The following MMS22L variants were observed in gnomAD, a reference collection of about 807,000 sequenced individuals.
MMS22L encodes protein MMS22-like.
Under a neutral mutation model 159.1 loss-of-function variants are expected in MMS22L, and 74 were observed. The observed-to-expected ratio is 0.47, with a 90% confidence interval of 0.39 to 0.56. The LOEUF is 0.56. Ranked by LOEUF, MMS22L falls within the 20% of genes least tolerant of loss-of-function variation. The pLI is 0.00. For synonymous variants in MMS22L, 517 were observed against 506.9 expected, an observed-to-expected ratio of 1.02 and a Z score of -0.27; for missense variants, 1,351 against 1,422.1, an observed-to-expected ratio of 0.95 and a Z score of 0.80.
At chr6:97,231,861 T>C (rs1025972188) in intron 12 of MMS22L, among the ~76,000 whole-genome samples, 1 of 152,134 alleles carries the variant, frequency 6.6e-6, no homozygotes, top group African/African-American at 2.4e-5. Context: ...CCCAAATGTG[T>C]TTTTAACAGT....
intron 3 of MMS22L, 57 bp from the exon 4 acceptor site, chr6:97,278,955 A>G: frequency 2.8e-6 from 4 of 1,432,122 alleles, no homozygotes; most frequent in Non-Finnish European, 3.9e-6. Context: ...AGCATGTAAC[A>G]ATTACGTGGA....
At chr6:97,253,717 T>G (rs1348218124) in intron 10 of MMS22L, 1 of 152,106 alleles carries the variant, frequency 6.6e-6, no homozygotes, top group Non-Finnish European at 1.5e-5. Flanking sequence ...GCCTTGGCCT[T>G]CCAAAGTGCT....
intron 6 of MMS22L, chr6:97,270,883 TA>T (rs1399335540): frequency 6.6e-6 from 1 of 151,990 alleles, no homozygotes; most frequent in Non-Finnish European, 1.5e-5. Flanking sequence ...TGTTTAAAAA[TA>T]ACATGAATTA....
At chr6:97,255,573 C>A (rs180915864) in intron 9 of MMS22L, among the ~76,000 whole-genome samples, 1 of 152,104 alleles carries the variant, frequency 6.6e-6, no homozygotes, top group East Asian at 1.9e-4. Flanking sequence ...ATTATTAGTT[C>A]ATTTGCAATC....
At chr6:97,214,920 T>A (rs1433164196) in intron 14 of MMS22L, among the ~76,000 whole-genome samples, 1 of 150,936 alleles carries the variant, frequency 6.6e-6, no homozygotes, top group Non-Finnish European at 1.5e-5. Context: ...AATTAAGAGA[T>A]CAACCAACCC....
rs528113835 is a variant in MMS22L at position 97,256,911 on chromosome 6, C to T, written c.943-2178G>A. ...GCAGTGAGCTGTGACCACACTACTG[C>T]ACTCCAGACTGGGTGACACAGTGAG... On this transcript the variant is annotated intron_variant, in intron 9 of 24. Coordinates refer to ENST00000683635, the MANE Select transcript of MMS22L (RefSeq NM_001350599.2). Among the ~76,000 whole-genome samples the T allele has an allele frequency of 2.0e-5, 3 of 152,278 alleles. No homozygotes were observed. In the South Asian group the frequency reaches 6.2e-4, roughly 32 times the overall value.
At chr6:97,263,662 TA>T (rs1010764622) in intron 8 of MMS22L, 422 of 362,552 alleles carry the variant, frequency 1.2e-3, no homozygotes, top group Non-Finnish European at 1.4e-3. Context: ...GATTTCAACT[TA>T]AAAAAAAATT....
chr6:97,213,406 CA>C (rs914388869), intron 14 of MMS22L, among the ~76,000 whole-genome samples: 3 of 149,676 alleles, frequency 2.0e-5, no homozygotes, highest in Non-Finnish European at 3.0e-5. Flanking sequence ...AACTCCACCT[CA>C]AAAAAAAAGA....
intron 22 of MMS22L, among the ~76,000 whole-genome samples, chr6:97,157,418 C>T (rs973407820): frequency 1.3e-5 from 2 of 152,146 alleles, no homozygotes; most frequent in African/African-American, 4.8e-5. Context: ...GGAATGTTTC[C>T]AGTTTTTGTC....
chr6:97,208,208 T>G (rs577958896), intron 14 of MMS22L, among the ~76,000 whole-genome samples: 1 of 152,254 alleles, frequency 6.6e-6, no homozygotes, highest in Admixed American at 6.5e-5. Context: ...CCTACCTTTA[T>G]GTATTTTTAA....
At chr6:97,268,102 C>A in intron 7 of MMS22L, 100 bp from the exon 8 acceptor site, 1 of 847,948 alleles carries the variant, frequency 1.2e-6, no homozygotes, top group Non-Finnish European at 1.6e-6. Context: ...CTAAAACATA[C>A]AGTTTTTAAT....
intron 15 of MMS22L, among the ~76,000 whole-genome samples, chr6:97,183,927 C>T (rs1288354519): frequency 6.6e-6 from 1 of 152,128 alleles, no homozygotes; most frequent in African/African-American, 2.4e-5. Flanking sequence ...TCCTCTTTGA[C>T]CCCTCTAGCT....
At chr6:97,247,719 GA>G (rs1028654099) in intron 10 of MMS22L, among the ~76,000 whole-genome samples, 2 of 150,642 alleles carry the variant, frequency 1.3e-5, no homozygotes, top group Admixed American at 1.3e-4. Flanking sequence ...CTTCGTCTCA[GA>G]AAAAAAAAAG....
chr6:97,275,472 A>C (rs187438200), intron 4 of MMS22L, among the ~76,000 whole-genome samples: 123 of 152,310 alleles, frequency 8.1e-4, no homozygotes, highest in Non-Finnish European at 1.5e-3. Flanking sequence ...GGTTGCAGTA[A>C]GCCGAGATGG....
At chr6:97,208,524 C>G (rs1582620073) in intron 14 of MMS22L, among the ~76,000 whole-genome samples, 2 of 151,960 alleles carry the variant, frequency 1.3e-5, no homozygotes, top group Non-Finnish European at 2.9e-5. Context: ...ACAAGAAGGA[C>G]AACACTTGCC....
At chr6:97,275,078 C>G (rs773028901) in intron 4 of MMS22L, among the ~76,000 whole-genome samples, 5 of 152,198 alleles carry the variant, frequency 3.3e-5, no homozygotes, top group Non-Finnish European at 7.3e-5. Context: ...AATTCAACAT[C>G]TAGTTTAAGG....
At chr6:97,176,697 C>A (rs1562420847) in intron 18 of MMS22L, among the ~76,000 whole-genome samples, 1 of 152,140 alleles carries the variant, frequency 6.6e-6, no homozygotes, top group South Asian at 2.1e-4. Flanking sequence ...ACTTCCCTGG[C>A]AGGTAGTGTT....
At chr6:97,214,371 G>A (rs150551315) in intron 14 of MMS22L, among the ~76,000 whole-genome samples, 1 of 152,172 alleles carries the variant, frequency 6.6e-6, no homozygotes, top group Non-Finnish European at 1.5e-5. Flanking sequence ...TAATAATGTA[G>A]ATGTCATCAA....
chr6:97,276,619 A>G (rs1416648984), intron 4 of MMS22L, among the ~76,000 whole-genome samples: 1 of 152,200 alleles, frequency 6.6e-6, no homozygotes, highest in African/African-American at 2.4e-5. Flanking sequence ...TATTTAATCC[A>G]TGCTCTCTAA....
Sources: gnomAD v4.1 joint callset for allele counts (sites outside exome capture counted in the v4.1 genomes callset) on GRCh38, gnomAD v4.1.1 for gene constraint, MANE v1.5 for transcripts, NCBI Gene and HGNC (gene_info 2026-07-23, HGNC 2026-07-21) for gene names.